Variants in SNTG1 observed in about 807,000 individuals in gnomAD.
SNTG1 encodes syntrophin gamma 1, also known as gamma-1-syntrophin.
SNTG1 carries 39 observed loss-of-function variants against 74.7 expected under a neutral mutation model. That is an observed-to-expected ratio of 0.52 (90% confidence interval 0.40 to 0.68). The LOEUF (loss-of-function observed/expected upper bound fraction) is 0.68. Ranked by LOEUF, SNTG1 falls within the 30% of genes least tolerant of loss-of-function variation. The pLI is 0.00. For missense variants in SNTG1, 685 were observed against 609.5 expected, an observed-to-expected ratio of 1.12 and a Z score of -1.30; for synonymous variants, 254 against 217.1, an observed-to-expected ratio of 1.17 and a Z score of -1.49.
At chr8:50,376,454 T>G (rs1284785667) in intron 2 of SNTG1, among the ~76,000 whole-genome samples, 1 of 151,866 alleles carries the variant, frequency 6.6e-6, no homozygotes, top group Non-Finnish European at 1.5e-5. Context: ...GCCTATTACC[T>G]CATCCTTGAG....
chr8:50,569,548 CAA>C (rs112357497), intron 12 of SNTG1, among the ~76,000 whole-genome samples: 4 of 144,184 alleles, frequency 2.8e-5, no homozygotes, highest in Non-Finnish European at 1.5e-5. Context: ...AAACAAAAAA[CAA>C]AAAAAAAACC....
intron 13 of SNTG1, among the ~76,000 whole-genome samples, chr8:50,607,388 A>G (rs887773972): frequency 5.9e-5 from 9 of 151,518 alleles, no homozygotes; most frequent in African/African-American, 2.2e-4. Flanking sequence ...TTGTTCTTTT[A>G]AAAGTACAGA....
At chr8:50,690,959 T>C (rs774086524) in intron 15 of SNTG1, among the ~76,000 whole-genome samples, 5 of 152,238 alleles carry the variant, frequency 3.3e-5, no homozygotes, top group Non-Finnish European at 5.9e-5. Flanking sequence ...ATATTTAGGA[T>C]AGTTAGCTCT....
intron 13 of SNTG1, among the ~76,000 whole-genome samples, chr8:50,598,971 T>C (rs1241687555): frequency 6.6e-6 from 1 of 152,034 alleles, no homozygotes; most frequent in African/African-American, 2.4e-5. Context: ...TTGGAGTCTT[T>C]AAGGTTTTCT....
chr8:50,334,553 A>T (rs1352109428), intron 2 of SNTG1, among the ~76,000 whole-genome samples: 1 of 151,784 alleles, frequency 6.6e-6, no homozygotes, highest in Admixed American at 6.6e-5. Flanking sequence ...AAACCAGTGT[A>T]TGGTTTTCAC....
intron 1 of SNTG1, among the ~76,000 whole-genome samples, chr8:50,097,693 A>G (rs147293969): frequency 9.5e-4 from 144 of 152,244 alleles, no homozygotes; most frequent in African/African-American, 3.3e-3. Flanking sequence ...AGTTACAAGT[A>G]TAGTGTATAC....
At chr8:50,498,700 T>C (rs1258488512) in intron 8 of SNTG1, among the ~76,000 whole-genome samples, 1 of 151,878 alleles carries the variant, frequency 6.6e-6, no homozygotes, top group Non-Finnish European at 1.5e-5. Context: ...AAAGTTTACT[T>C]TTAGAAGTTT....
At chr8:50,110,910 A>G (rs933099394) in intron 1 of SNTG1, among the ~76,000 whole-genome samples, 5 of 152,178 alleles carry the variant, frequency 3.3e-5, no homozygotes, top group Non-Finnish European at 4.4e-5. Context: ...TTGGAATTTC[A>G]AATAACAATT....
At chr8:50,297,787 C>T (rs1183440696) in intron 2 of SNTG1, among the ~76,000 whole-genome samples, 3 of 151,692 alleles carry the variant, frequency 2.0e-5, no homozygotes, top group African/African-American at 7.3e-5. Context: ...TATCTGAAAC[C>T]AGGAAAAGCA....
intron 12 of SNTG1, among the ~76,000 whole-genome samples, chr8:50,568,004 C>G (rs73585200): frequency 0.013 from 1,936 of 152,190 alleles, 39 homozygotes; most frequent in African/African-American, 0.042. Context: ...CTCCCCTTCT[C>G]TTTCCCTTCC....
chr8:50,183,370 A>G (rs1361417835), intron 2 of SNTG1, among the ~76,000 whole-genome samples: 1 of 152,024 alleles, frequency 6.6e-6, no homozygotes, highest in Non-Finnish European at 1.5e-5. Flanking sequence ...CCCATTCCCT[A>G]AACTGTATGA....
At chr8:50,315,195 T>A (rs1331356929) in intron 2 of SNTG1, among the ~76,000 whole-genome samples, 1 of 149,768 alleles carries the variant, frequency 6.7e-6, no homozygotes, top group Non-Finnish European at 1.5e-5. Context: ...CTGAGGAATG[T>A]TAATTTATCT....
chr8:50,189,540 T>C (rs1417025052), intron 2 of SNTG1, among the ~76,000 whole-genome samples: 2 of 152,152 alleles, frequency 1.3e-5, no homozygotes, highest in African/African-American at 4.8e-5. Context: ...ATAAGTTGAC[T>C]GTAATATGAT....
intron 1 of SNTG1, among the ~76,000 whole-genome samples, chr8:50,085,264 T>G (rs929962759): frequency 3.9e-5 from 6 of 152,076 alleles, no homozygotes; most frequent in African/African-American, 1.4e-4. Flanking sequence ...TATAGAAAAA[T>G]TCATCAGTAA....
At chr8:50,343,101 C>A (rs1365183071) in intron 2 of SNTG1, among the ~76,000 whole-genome samples, 1 of 152,186 alleles carries the variant, frequency 6.6e-6, no homozygotes, top group Non-Finnish European at 1.5e-5. Flanking sequence ...TTTCCTGCTT[C>A]ACTGTTTAAT....
chr8:50,557,955 C>T (rs999199467), intron 12 of SNTG1, among the ~76,000 whole-genome samples: 1 of 152,250 alleles, frequency 6.6e-6, no homozygotes, highest in African/African-American at 2.4e-5. Flanking sequence ...CACATAAAAT[C>T]GGGATATCGC....
At position 50,761,603 on chromosome 8, in the gene SNTG1, A is replaced by ATTTT. The variant is rs200187689; in HGVS notation, c.1395+9500_1395+9503dup. Among the ~76,000 whole-genome samples, 858 of 148,312 alleles carry ATTTT rather than the reference A, an allele frequency of 5.8e-3. 12 individuals are homozygous for ATTTT. The highest frequency in any genetic ancestry group is 0.019 in the African/African-American group (793 of 40,680). ...CTAAGAAGAACATAGTGCCTGAGCT[A>ATTTT]TTTTTTTTTTTCATGATCTGTGGTT... On this transcript the variant is annotated intron_variant, in intron 18 of 18. Coordinates refer to ENST00000642720, the MANE Select transcript of SNTG1 (RefSeq NM_018967.5).
intron 1 of SNTG1, among the ~76,000 whole-genome samples, chr8:49,990,599 C>T (rs969239522): frequency 2.6e-5 from 4 of 151,860 alleles, no homozygotes; most frequent in Non-Finnish European, 4.4e-5. Context: ...GTAATATTGG[C>T]GTAATGATAG....
rs113805699 is a variant in SNTG1 at position 50,553,091 on chromosome 8, C to G, written c.722C>G (p.Thr241Ser). 1.0e-3 allele frequency: 1,611 copies of G among 1,613,914 alleles called. 23 individuals carry two copies. In the African/African-American group the frequency reaches 0.019, roughly 19 times the overall value. The change falls in exon 12 of 19, where the codon ACT (threonine) becomes AGT (serine). Residue 241 changes from threonine to serine, a missense_variant. Thr to Ser is a moderately conservative substitution (Grantham distance 58). Transcript: ENST00000642720. ...FQVIAVDGVC[T>S]GIIQCLSAED... ...GTCATTGCTGTGGATGGGGTCTGCA[C>G]TGGGATTATTCAGTGCCTCTCTGCT... is the stretch of plus-strand genomic sequence containing the variant.
Sources: gnomAD v4.1 joint callset for allele counts (sites outside exome capture counted in the v4.1 genomes callset) on GRCh38, gnomAD v4.1.1 for gene constraint, MANE v1.5 for transcripts, NCBI Gene and HGNC (gene_info 2026-07-23, HGNC 2026-07-21) for gene names.